CAST: variants seen among roughly 807,000 people sequenced by gnomAD.
The protein encoded by CAST is MIR583 host.
Under a neutral mutation model 119.6 loss-of-function variants are expected in CAST, and 76 were observed. The ratio of observed to expected loss-of-function variants is 0.64; its 90% confidence interval spans 0.53 to 0.77. The LOEUF (loss-of-function observed/expected upper bound fraction) is 0.77. CAST is among the 30% of genes least tolerant of loss of function. The pLI is 0.00. For missense variants in CAST, 953 were observed against 946.5 expected, an observed-to-expected ratio of 1.01 and a Z score of -0.09; for synonymous variants, 319 against 331.6, an observed-to-expected ratio of 0.96 and a Z score of 0.41.
chr5:96,445,002 C>CT, the CAST span, among the ~76,000 whole-genome samples: 3 of 152,192 alleles, frequency 2.0e-5, no homozygotes, highest in Non-Finnish European at 4.4e-5. Flanking sequence ...ATGCCAGAGT[C>CT]TTTAAGTCTT....
At chr5:96,097,674 T>A in the CAST span, among the ~76,000 whole-genome samples, 1 of 152,230 alleles carries the variant, frequency 6.6e-6, no homozygotes, top group Non-Finnish European at 1.5e-5. Flanking sequence ...TTCTTTTTTA[T>A]GGCTGCATAG....
chr5:96,429,026 A>G, the CAST span, among the ~76,000 whole-genome samples: 1 of 152,144 alleles, frequency 6.6e-6, no homozygotes, highest in Non-Finnish European at 1.5e-5. Flanking sequence ...AACCAATTCA[A>G]CCCAATCTTG....
the CAST span, among the ~76,000 whole-genome samples, chr5:96,035,252 C>T: frequency 6.8e-6 from 1 of 147,726 alleles, no homozygotes; most frequent in Admixed American, 6.8e-5. Flanking sequence ...ATGTTGTACA[C>T]AGTAAATACA....
the CAST span, among the ~76,000 whole-genome samples, chr5:96,034,888 T>G: frequency 1.3e-5 from 2 of 151,468 alleles, no homozygotes; most frequent in South Asian, 4.2e-4. Flanking sequence ...ATGCCTGGCT[T>G]AATACATACA....
the CAST span, among the ~76,000 whole-genome samples, chr5:96,125,952 T>A: frequency 3.3e-5 from 5 of 152,242 alleles, no homozygotes; most frequent in African/African-American, 1.2e-4. Context: ...CATGAGGAGG[T>A]GTTAAAGCTT....
the CAST span, among the ~76,000 whole-genome samples, chr5:96,260,383 A>G: frequency 2.1e-4 from 32 of 152,204 alleles, no homozygotes; most frequent in Non-Finnish European, 4.0e-4. Flanking sequence ...AAATTCCCCT[A>G]GTTTAAAGAT....
chr5:96,695,928 G>A (rs767252428), intron 3 of CAST, 21 bp downstream of exon 3: 63 of 1,568,016 alleles, frequency 4.0e-5, no homozygotes, highest in African/African-American at 1.4e-4. Flanking sequence ...TCCTGAACAC[G>A]AAAAGACCCC....
chr5:96,152,148 G>A, the CAST span, among the ~76,000 whole-genome samples: 2 of 152,204 alleles, frequency 1.3e-5, no homozygotes, highest in Admixed American at 6.5e-5. Flanking sequence ...GCCATGCAAA[G>A]TAATCGAGGT....
At chr5:96,390,098 T>C in the CAST span, among the ~76,000 whole-genome samples, 1 of 152,150 alleles carries the variant, frequency 6.6e-6, no homozygotes, top group South Asian at 2.1e-4. Flanking sequence ...TTAGTTTAGA[T>C]AGTTTGTTCA....
the CAST span, among the ~76,000 whole-genome samples, chr5:96,187,000 G>C: frequency 6.6e-6 from 1 of 152,104 alleles, no homozygotes; most frequent in Non-Finnish European, 1.5e-5. Flanking sequence ...TTGTTGGTAG[G>C]ATATTTATTA....
the CAST span, among the ~76,000 whole-genome samples, chr5:96,102,448 A>G: frequency 6.6e-6 from 1 of 152,108 alleles, no homozygotes; most frequent in South Asian, 2.1e-4. Flanking sequence ...GGGTCTTTAT[A>G]GGCACAGGAT....
the CAST span, among the ~76,000 whole-genome samples, chr5:96,010,743 T>A: frequency 6.6e-6 from 1 of 152,224 alleles, no homozygotes; most frequent in African/African-American, 2.4e-5. Context: ...CAACAGAATG[T>A]TTTTCCATTC....
At chr5:96,305,338 G>A in the CAST span, among the ~76,000 whole-genome samples, 17 of 151,248 alleles carry the variant, frequency 1.1e-4, no homozygotes, top group East Asian at 5.8e-4. Flanking sequence ...GCTTATCAGC[G>A]TAAGGAGATT....
chr5:96,345,777 G>C, the CAST span, among the ~76,000 whole-genome samples: 1 of 152,202 alleles, frequency 6.6e-6, no homozygotes, highest in Non-Finnish European at 1.5e-5. Flanking sequence ...GCTGGCTGTT[G>C]CTGGAGGCTT....
the CAST span, chr5:95,980,344 T>A: frequency 5.3e-5 from 8 of 152,172 alleles, no homozygotes. Context: ...AACCTTTTGT[T>A]GCTGAAGGGT....
intron 3 of CAST, among the ~76,000 whole-genome samples, chr5:96,707,054 C>T (rs1755124291): frequency 6.6e-6 from 1 of 152,228 alleles, no homozygotes; most frequent in East Asian, 1.9e-4. Flanking sequence ...ACAAGTTCAT[C>T]AACAATCAGA....
chr5:95,968,570 T>C, the CAST span, among the ~76,000 whole-genome samples: 1 of 152,168 alleles, frequency 6.6e-6, no homozygotes, highest in African/African-American at 2.4e-5. Flanking sequence ...CGCGGGACTG[T>C]ATCTCTCACT....
chr5:96,078,195 A>T, the CAST span, among the ~76,000 whole-genome samples: 94,873 of 151,888 alleles, frequency 0.62, 29,929 homozygotes, highest in African/African-American at 0.67. Flanking sequence ...CTAAACCTAA[A>T]TACCTTCCAG....
At chr5:96,513,488 C>G in the CAST span, among the ~76,000 whole-genome samples, 1 of 152,238 alleles carries the variant, frequency 6.6e-6, no homozygotes, top group East Asian at 1.9e-4. Flanking sequence ...CAGTTACCCC[C>G]TAACAACAAA....
Sources: gnomAD v4.1 joint callset for allele counts (sites outside exome capture counted in the v4.1 genomes callset) on GRCh38, gnomAD v4.1.1 for gene constraint, MANE v1.5 for transcripts, NCBI Gene and HGNC (gene_info 2026-07-23, HGNC 2026-07-21) for gene names.